The following DCC variants were observed in gnomAD, a reference collection of about 807,000 sequenced individuals.
DCC encodes the protein netrin receptor DCC.
A neutral mutation model predicts 172.5 loss-of-function variants in DCC; 58 were observed. The observed-to-expected ratio is 0.34, with a 90% CI of 0.27 to 0.42. The LOEUF (loss-of-function observed/expected upper bound fraction) is 0.42, where lower values mean the gene tolerates loss of function less well. Among genes scored for constraint, DCC ranks in the 10% least tolerant of loss-of-function variants. The pLI is 1.00. For missense variants in DCC, 1,740 were observed against 1,791.0 expected, an observed-to-expected ratio of 0.97 and a Z score of 0.51; for synonymous variants, 709 against 644.5, an observed-to-expected ratio of 1.10 and a Z score of -1.52.
chr18:52,515,741 G>T (rs756028275), intron 1 of DCC, among the ~76,000 whole-genome samples: 3 of 149,970 alleles, frequency 2.0e-5, no homozygotes, highest in Non-Finnish European at 3.0e-5. Context: ...AGGAAAAATT[G>T]AGTCACTGGG....
chr18:52,950,191 T>C (rs540113923), intron 5 of DCC, among the ~76,000 whole-genome samples: 1 of 152,332 alleles, frequency 6.6e-6, no homozygotes, highest in Admixed American at 6.5e-5. Context: ...ATTCATCAAG[T>C]TATCCCCCAG....
intron 1 of DCC, among the ~76,000 whole-genome samples, chr18:52,609,001 C>G (rs1230772818): frequency 2.0e-5 from 3 of 152,150 alleles, no homozygotes; most frequent in African/African-American, 7.2e-5. Flanking sequence ...TTGAAGCAAG[C>G]ATCCAACTCA....
At chr18:52,946,046 C>A (rs2040539636) in intron 5 of DCC, among the ~76,000 whole-genome samples, 1 of 152,110 alleles carries the variant, frequency 6.6e-6, no homozygotes, top group South Asian at 2.1e-4. Context: ...TTGTATTCAT[C>A]TGGCCTCTGT....
At chr18:53,226,930 G>GTATATATATATATATATA (rs1290601706) in intron 12 of DCC, among the ~76,000 whole-genome samples, 1 of 48,602 alleles carries the variant, frequency 2.1e-5, no homozygotes, top group African/African-American at 7.7e-5. Flanking sequence ...GTGTGTGTGT[G>GTATATATATATATATATA]TGTGTATATA....
intron 7 of DCC, among the ~76,000 whole-genome samples, chr18:53,149,291 T>C (rs1186735843): frequency 6.6e-6 from 1 of 152,214 alleles, no homozygotes; most frequent in African/African-American, 2.4e-5. Flanking sequence ...GTTTATTGAA[T>C]GCAAATCATA....
At chr18:53,122,492 TAA>T (rs1392647774) in intron 7 of DCC, among the ~76,000 whole-genome samples, 3 of 151,874 alleles carry the variant, frequency 2.0e-5, no homozygotes, top group African/African-American at 7.3e-5. Flanking sequence ...ATGGAGAACA[TAA>T]AGTTTCATTA....
chr18:52,834,374 T>A (rs2038666867), intron 2 of DCC, among the ~76,000 whole-genome samples: 1 of 152,214 alleles, frequency 6.6e-6, no homozygotes, highest in Non-Finnish European at 1.5e-5. Flanking sequence ...TTTGGGAACT[T>A]GCTAGAAGTT....
chr18:53,220,167 G>C (rs893509465), intron 12 of DCC, among the ~76,000 whole-genome samples: 1 of 152,158 alleles, frequency 6.6e-6, no homozygotes, highest in Non-Finnish European at 1.5e-5. Flanking sequence ...TTAAATTGCA[G>C]ATCCTCTGTG....
At chr18:52,871,704 C>T (rs2039322001) in intron 2 of DCC, among the ~76,000 whole-genome samples, 1 of 152,126 alleles carries the variant, frequency 6.6e-6, no homozygotes, top group Admixed American at 6.5e-5. Context: ...GTCATCCTAC[C>T]TTGACCTCCC....
chr18:53,200,547 C>T (rs1166814193), intron 9 of DCC, among the ~76,000 whole-genome samples: 4 of 152,202 alleles, frequency 2.6e-5, no homozygotes, highest in African/African-American at 9.7e-5. Flanking sequence ...ACTGGCCGTT[C>T]TCCTGGGACA....
rs796615335 is a variant in DCC at position 53,181,508 on chromosome 18, T to TA, written c.1573+2400dup. 1.7e-4 allele frequency among the ~76,000 whole-genome samples: 25 copies of TA among 151,366 alleles called. 1 individual carries two copies. In the South Asian group the frequency reaches 4.4e-3, roughly 26 times the overall value. On this transcript the variant is annotated intron_variant, in intron 9 of 28. Transcript: ENST00000442544. ...CTAAGAACACTCATTCCATAAAAAT[T>TA]AAAAAAAATAAAAACTATGATAAAA...
At chr18:53,139,213 G>T (rs977836386) in intron 7 of DCC, among the ~76,000 whole-genome samples, 5 of 152,116 alleles carry the variant, frequency 3.3e-5, no homozygotes, top group African/African-American at 1.2e-4. Flanking sequence ...CAATGTTTGT[G>T]ACTTTTTCCG....
At chr18:53,010,667 T>C (rs2041715935) in intron 5 of DCC, among the ~76,000 whole-genome samples, 1 of 150,760 alleles carries the variant, frequency 6.6e-6, no homozygotes, top group South Asian at 2.1e-4. Flanking sequence ...ACATTATATG[T>C]AATACTATAT....
chr18:52,777,340 A>T (rs993915829), intron 2 of DCC, among the ~76,000 whole-genome samples: 15 of 152,152 alleles, frequency 9.9e-5, no homozygotes, highest in Non-Finnish European at 1.2e-4. Context: ...TTGCCTTCTC[A>T]GGCTTCTGTT....
intron 2 of DCC, among the ~76,000 whole-genome samples, chr18:52,761,463 G>T (rs1364964539): frequency 6.6e-6 from 1 of 152,168 alleles, no homozygotes; most frequent in East Asian, 1.9e-4. Context: ...ATTCATGAAA[G>T]AGCGAGATAA....
At chr18:53,214,729 C>T (rs1372906117) in intron 11 of DCC, among the ~76,000 whole-genome samples, 1 of 152,108 alleles carries the variant, frequency 6.6e-6, no homozygotes, top group East Asian at 1.9e-4. Context: ...ATTTATTTTT[C>T]ATCCCAGACA....
chr18:52,462,247 G>T (rs1375982799), intron 1 of DCC, among the ~76,000 whole-genome samples: 1 of 152,132 alleles, frequency 6.6e-6, no homozygotes, highest in Non-Finnish European at 1.5e-5. Flanking sequence ...CAGCAGAACA[G>T]ACAGGGTTAC....
intron 7 of DCC, among the ~76,000 whole-genome samples, chr18:53,113,322 TATTA>T (rs1322393564): frequency 2.0e-5 from 3 of 151,468 alleles, no homozygotes; most frequent in Admixed American, 6.6e-5. Context: ...GGATATAATT[TATTA>T]ATTCGATTTC....
At chr18:52,541,962 C>G (rs1352008574) in intron 1 of DCC, among the ~76,000 whole-genome samples, 3 of 144,822 alleles carry the variant, frequency 2.1e-5, no homozygotes, top group Admixed American at 1.4e-4. Context: ...AATATATACA[C>G]TATATTATAT....
Sources: gnomAD v4.1 joint callset for allele counts (sites outside exome capture counted in the v4.1 genomes callset) on GRCh38, gnomAD v4.1.1 for gene constraint, MANE v1.5 for transcripts, NCBI Gene and HGNC (gene_info 2026-07-23, HGNC 2026-07-21) for gene names.